The following MRE11 variants were observed in gnomAD, a reference collection of about 807,000 sequenced individuals.
MRE11 encodes the protein double-strand break repair protein MRE11.
A neutral mutation model predicts 91.7 loss-of-function variants in MRE11; 62 were observed. That is an observed-to-expected ratio of 0.68 (90% CI 0.55 to 0.84). The LOEUF is 0.84. MRE11 is among the 40% of genes least tolerant of loss of function. MRE11 has a pLI of 0.00. For missense variants in MRE11, 796 were observed against 852.9 expected, an observed-to-expected ratio of 0.93 and a Z score of 0.83; for synonymous variants, 273 against 271.4, an observed-to-expected ratio of 1.01 and a Z score of -0.06.
intron 18 of MRE11, 80 bp from the exon 19 acceptor site, chr11:94,430,066 T>C (rs1352817599): frequency 1.5e-6 from 2 of 1,315,704 alleles, no homozygotes; most frequent in South Asian, 2.4e-5. Flanking sequence ...AGTTTTTCAA[T>C]CCAGCAGCTG....
chr11:94,469,861 G>A lies in MRE11; in HGVS notation c.1017+610C>T, dbSNP rs1946661175. ...GACAGCTGACACAGAGTTAAGAACT[G>A]AGCGTCAGCAAGTGATGCTAATTAA... On this transcript the variant is annotated intron_variant, in intron 9 of 19. Transcript: ENST00000323929. 2.0e-5 allele frequency among the ~76,000 whole-genome samples: 3 copies of A among 152,162 alleles called. No homozygotes were observed. The South Asian group carries it at 6.2e-4, about 31-fold the overall frequency.
intron 16 of MRE11, 68 bp from the exon 17 acceptor site, chr11:94,437,303 C>T (rs1056429946): frequency 2.7e-6 from 4 of 1,470,786 alleles, no homozygotes; most frequent in Non-Finnish European, 3.8e-6. Context: ...TTGCATACTT[C>T]TTTAGCTAAA....
intron 10 of MRE11, 36 bp from the exon 11 acceptor site, chr11:94,464,275 CA>C: frequency 6.2e-7 from 1 of 1,613,078 alleles, no homozygotes; most frequent in Non-Finnish European, 8.5e-7. Flanking sequence ...CGCTAGGAAA[CA>C]ACAATTTGCC....
intron 19 of MRE11, among the ~76,000 whole-genome samples, chr11:94,427,861 G>C (rs1370837652): frequency 6.6e-6 from 1 of 152,066 alleles, no homozygotes; most frequent in Non-Finnish European, 1.5e-5. Context: ...TCTACAAGGA[G>C]AACTATGAAA....
intron 19 of MRE11, among the ~76,000 whole-genome samples, chr11:94,424,260 A>G (rs1945250717): frequency 6.6e-6 from 1 of 152,194 alleles, no homozygotes; most frequent in Non-Finnish European, 1.5e-5. Flanking sequence ...AATTCTGCCA[A>G]TATACATCTC....
intron 13 of MRE11, 138 bp downstream of exon 13, chr11:94,459,270 T>G: frequency 1.1e-6 from 1 of 911,346 alleles, no homozygotes; most frequent in Non-Finnish European, 1.7e-6. Flanking sequence ...AACCTTCATT[T>G]TATCATTTCA....
chr11:94,480,212 C>T (rs896580229), intron 4 of MRE11, among the ~76,000 whole-genome samples: 1 of 152,180 alleles, frequency 6.6e-6, no homozygotes, highest in Non-Finnish European at 1.5e-5. Flanking sequence ...CCATCCAGCT[C>T]CTCTTCTCAG....
the MRE11 span, among the ~76,000 whole-genome samples, chr11:94,507,837 C>CAT: frequency 5.0e-3 from 757 of 152,020 alleles, 7 homozygotes; most frequent in African/African-American, 0.017. Context: ...GATGTGTGCA[C>CAT]GTTTCCTATT....
intron 5 of MRE11, among the ~76,000 whole-genome samples, chr11:94,479,305 T>C (rs1484562222): frequency 6.6e-6 from 1 of 152,192 alleles, no homozygotes; most frequent in African/African-American, 2.4e-5. Flanking sequence ...GGTAATAAGA[T>C]AATCTAATTT....
upstream of MRE11, among the ~76,000 whole-genome samples, chr11:94,496,391 G>A (rs1168410332): frequency 6.6e-6 from 1 of 152,036 alleles, no homozygotes; most frequent in African/African-American, 2.4e-5. Flanking sequence ...AATTGACTTA[G>A]AAGAAAACAA....
intron 19 of MRE11, among the ~76,000 whole-genome samples, chr11:94,420,776 T>C (rs1372812368): frequency 4.6e-5 from 7 of 152,214 alleles, no homozygotes; most frequent in East Asian, 1.9e-4. Flanking sequence ...CTCACGCCTG[T>C]AATCCCAGCA....
chr11:94,502,329 T>C, the MRE11 span, among the ~76,000 whole-genome samples: 1 of 152,252 alleles, frequency 6.6e-6, no homozygotes, highest in African/African-American at 2.4e-5. Flanking sequence ...ATTTGGTGCA[T>C]GTTTAGTGTA....
intron 3 of MRE11, among the ~76,000 whole-genome samples, chr11:94,489,221 G>A (rs1947222523): frequency 6.6e-6 from 1 of 151,906 alleles, no homozygotes; most frequent in South Asian, 2.1e-4. Flanking sequence ...CTCCAAAAAG[G>A]TAAGACTTGA....
rs1343040095 is a variant in MRE11, at chr11:94,446,235, C to T, written c.1784-342G>A. Among the ~76,000 whole-genome samples the T allele has an allele frequency of 2.0e-5, 3 of 152,128 alleles. No individual in the cohort carries two copies. The East Asian group carries it at 5.8e-4, about 29-fold the overall frequency. Reference sequence around the variant, plus strand: ...CTAGCCTGGCCAACATGGTGAAACCCCACCTCTACTAAAAATACAAAAATT... The same window carrying T: ...CTAGCCTGGCCAACATGGTGAAACCTCACCTCTACTAAAAATACAAAAATT... On this transcript the variant is annotated intron_variant, in intron 15 of 19. Coordinates refer to ENST00000323929, the MANE Select transcript of MRE11 (RefSeq NM_005591.4).
chr11:94,436,708 A>C (rs915295372), intron 17 of MRE11, among the ~76,000 whole-genome samples: 2 of 152,226 alleles, frequency 1.3e-5, no homozygotes, highest in Non-Finnish European at 2.9e-5. Flanking sequence ...ATCGAAAGGA[A>C]GAGCAGAAGG....
rs548592524 is a variant in MRE11 at position 94,464,267 on chromosome 11, C to T, written c.1099-28G>A. The T allele has an allele frequency of 1.9e-6, 3 of 1,613,430 alleles. No individual in the cohort carries two copies. The Admixed American group carries it at 5.0e-5, about 27-fold the overall frequency. ...GAAAACACAGAATAATCTATGAACG[C>T]TAGGAAACAACAATTTGCCAATTTT... is the stretch of plus-strand genomic sequence containing the variant. On this transcript the variant is annotated intron_variant, in intron 10 of 19. Transcript: ENST00000323929.
intron 4 of MRE11, among the ~76,000 whole-genome samples, 161 bp from the exon 5 acceptor site, chr11:94,479,922 AT>A (rs1324988613): frequency 6.6e-6 from 1 of 152,252 alleles, no homozygotes; most frequent in Non-Finnish European, 1.5e-5. Context: ...ATAGGCGACA[AT>A]TCATTTCAAT....
chr11:94,512,019 G>A, the MRE11 span, among the ~76,000 whole-genome samples: 1 of 152,254 alleles, frequency 6.6e-6, no homozygotes, highest in African/African-American at 2.4e-5. Context: ...CACGTTGCGT[G>A]TGTGTAGCAG....
At position 94,417,580 on chromosome 11, in the gene MRE11, C is replaced by A; in HGVS notation, c.*2545G>T. The A allele has an allele frequency of 4.3e-6, 1 of 233,022 alleles. No individual in the cohort carries two copies. Among genetic ancestry groups the A allele is most frequent in the Non-Finnish European group, 8.5e-6 (1 of 117,938 alleles). 14.4% of individuals were successfully genotyped at this position (233,022 alleles called of 1,614,324 possible). On this transcript the variant is annotated 3_prime_UTR_variant, in exon 20 of 20. Coordinates refer to ENST00000323929, the MANE Select transcript of MRE11 (RefSeq NM_005591.4). ...ACTGCGTCTAATGGCAGAAGCACCA[C>A]CTTGTGGCAAAAGTAGGAGCTTTTA...
Sources: gnomAD v4.1 joint callset for allele counts (sites outside exome capture counted in the v4.1 genomes callset) on GRCh38, gnomAD v4.1.1 for gene constraint, MANE v1.5 for transcripts, NCBI Gene and HGNC (gene_info 2026-07-23, HGNC 2026-07-21) for gene names.